Variants in ESR1 observed in about 807,000 individuals in gnomAD.
ESR1 encodes the protein estrogen receptor 1, also known as estrogen receptor.
In ESR1, 12 loss-of-function variants were observed where a neutral mutation model predicts 52.7. That is an observed-to-expected ratio of 0.23 (90% CI 0.15 to 0.37). ESR1 has a LOEUF of 0.37. Among genes scored for constraint, ESR1 ranks in the 10% least tolerant of loss-of-function variants. ESR1 has a pLI of 1.00. For synonymous variants in ESR1, 305 were observed against 316.8 expected (o/e 0.96, Z 0.39); for missense variants, 584 against 779.7 (o/e 0.75, Z 2.99).
At chr6:152,073,465 T>A (rs2048500634) in intron 6 of ESR1, among the ~76,000 whole-genome samples, 1 of 152,166 alleles carries the variant, frequency 6.6e-6, no homozygotes. Flanking sequence ...CACACAAAAG[T>A]AACCATTGTC....
chr6:151,959,939 C>A (rs1036252542), intron 4 of ESR1, among the ~76,000 whole-genome samples: 10 of 152,126 alleles, frequency 6.6e-5, no homozygotes, highest in African/African-American at 2.2e-4. Flanking sequence ...CATGTATGTA[C>A]TATGTGTTCA....
chr6:151,755,016 A>G (rs1784174673), intron 2 of ESR1, among the ~76,000 whole-genome samples: 1 of 152,180 alleles, frequency 6.6e-6, no homozygotes, highest in South Asian at 2.1e-4. Flanking sequence ...GTTCGAGACC[A>G]GTCTGGCCAA....
At chr6:151,751,939 A>G (rs1783933950) in intron 2 of ESR1, among the ~76,000 whole-genome samples, 1 of 152,262 alleles carries the variant, frequency 6.6e-6, no homozygotes, top group African/African-American at 2.4e-5. Flanking sequence ...AGAATATTTA[A>G]TATGCATTGA....
rs546012300 is a variant in ESR1, at chr6:152,061,587, T to C, written c.1369+463T>C. Among the ~76,000 whole-genome samples, 2 of 152,304 alleles carry C rather than the reference T, an allele frequency of 1.3e-5. No individual in the cohort carries two copies. The highest frequency in any genetic ancestry group is 2.9e-5 in the Non-Finnish European group (2 of 68,016). On this transcript the variant is annotated intron_variant, in intron 6 of 7. Coordinates refer to ENST00000206249, the MANE Select transcript of ESR1 (RefSeq NM_000125.4). This position sits in a 1 kb window ranked among gnomAD's most constrained non-coding sequence, Gnocchi z 4.3. ...GCTAAAAATATAGTTGGCTTAGAGA[T>C]AGAAAAACCTGTTTCTAAAACAGAA...
chr6:151,725,820 A>G (rs1159742936), intron 2 of ESR1, among the ~76,000 whole-genome samples: 1 of 152,250 alleles, frequency 6.6e-6, no homozygotes, highest in Non-Finnish European at 1.5e-5. Flanking sequence ...GTGAAAAGTT[A>G]AATAACAAAT....
intron 2 of ESR1, among the ~76,000 whole-genome samples, chr6:151,713,150 G>A (rs928417995): frequency 4.6e-5 from 7 of 152,110 alleles, no homozygotes; most frequent in African/African-American, 1.7e-4. Context: ...TTACTGATTT[G>A]TGTATGTTGA....
intron 5 of ESR1, among the ~76,000 whole-genome samples, chr6:152,035,653 T>G (rs1333471941): frequency 6.6e-6 from 1 of 152,162 alleles, no homozygotes; most frequent in Non-Finnish European, 1.5e-5. Flanking sequence ...AAAACTATAA[T>G]TCAGTTCTAA....
chr6:151,762,616 G>A (rs1391599967), intron 2 of ESR1, among the ~76,000 whole-genome samples: 1 of 152,144 alleles, frequency 6.6e-6, no homozygotes, highest in African/African-American at 2.4e-5. Context: ...TACAGGTAAA[G>A]TTATTTTACG....
intron 1 of ESR1, among the ~76,000 whole-genome samples, chr6:151,816,199 C>T (rs1214293572): frequency 6.6e-6 from 1 of 152,152 alleles, no homozygotes; most frequent in Non-Finnish European, 1.5e-5. Flanking sequence ...CCTATTTTCC[C>T]CTCAATGCAA....
At chr6:151,668,714 G>T (rs909600308) in intron 1 of ESR1, among the ~76,000 whole-genome samples, 2 of 152,146 alleles carry the variant, frequency 1.3e-5, no homozygotes, top group South Asian at 4.1e-4. Flanking sequence ...GTTTTGGAGG[G>T]TGCACATTCA....
intron 2 of ESR1, among the ~76,000 whole-genome samples, chr6:151,702,552 CA>C (rs1248621694): frequency 6.6e-6 from 1 of 152,146 alleles, no homozygotes; most frequent in Non-Finnish European, 1.5e-5. Context: ...TTTACATATT[CA>C]GTGACCTACC....
At chr6:152,113,951 G>A (rs2051177682) in intron 6 of ESR1, among the ~76,000 whole-genome samples, 2 of 152,208 alleles carry the variant, frequency 1.3e-5, no homozygotes, top group African/African-American at 4.8e-5. Flanking sequence ...TGGCTCCAGA[G>A]TTTATGTTAT....
At chr6:151,824,759 A>C (rs1334552028) in intron 1 of ESR1, among the ~76,000 whole-genome samples, 1 of 152,074 alleles carries the variant, frequency 6.6e-6, no homozygotes, top group Non-Finnish European at 1.5e-5. Context: ...ATCTCTACTA[A>C]AAATACAAAA....
At chr6:151,838,817 T>C (rs2128227287) in intron 1 of ESR1, among the ~76,000 whole-genome samples, 1 of 152,322 alleles carries the variant, frequency 6.6e-6, no homozygotes, top group East Asian at 1.9e-4. Flanking sequence ...GCCTTCTATT[T>C]CTATGCCCAA....
At chr6:151,733,080 A>T (rs1782378714) in intron 2 of ESR1, among the ~76,000 whole-genome samples, 1 of 152,220 alleles carries the variant, frequency 6.6e-6, no homozygotes, top group Admixed American at 6.5e-5. Context: ...AACATTTATT[A>T]TAGATGGTGT....
intron 4 of ESR1, among the ~76,000 whole-genome samples, chr6:151,961,258 G>T (rs372573877): frequency 2.6e-5 from 4 of 152,080 alleles, no homozygotes; most frequent in African/African-American, 9.7e-5. Context: ...GAGGGAACCC[G>T]CAAAGGAGAT....
chr6:151,883,123 CTT>C (rs34822103), intron 3 of ESR1, among the ~76,000 whole-genome samples: 4 of 144,792 alleles, frequency 2.8e-5, no homozygotes, highest in Non-Finnish European at 1.5e-5. Flanking sequence ...TGAGCCCTCC[CTT>C]TTTTTTTTTT....
At chr6:152,116,617 GCC>G (rs1412464925) in intron 6 of ESR1, among the ~76,000 whole-genome samples, 8 of 152,132 alleles carry the variant, frequency 5.3e-5, no homozygotes, top group East Asian at 3.9e-4. Context: ...TTAACAATTA[GCC>G]TTTAAAATAG....
chr6:151,821,782 G>A (rs1046825871), intron 1 of ESR1, among the ~76,000 whole-genome samples: 6 of 152,176 alleles, frequency 3.9e-5, no homozygotes, highest in Non-Finnish European at 8.8e-5. Context: ...TCCACATGTT[G>A]AAAAACATGT....
Sources: gnomAD v4.1 joint callset for allele counts (sites outside exome capture counted in the v4.1 genomes callset) on GRCh38, gnomAD v4.1.1 for gene constraint, Gnocchi (gnomAD v3.1) non-coding constraint, MANE v1.5 for transcripts, NCBI Gene and HGNC (gene_info 2026-07-23, HGNC 2026-07-21) for gene names.